Variants in VTI1A observed in about 807,000 individuals in gnomAD.
VTI1A encodes the protein vesicle transport through interaction with t-SNAREs 1A.
VTI1A carries 22 observed loss-of-function variants against 34.9 expected under a neutral mutation model. The observed-to-expected ratio is 0.63, with a 90% CI of 0.45 to 0.90. VTI1A has a LOEUF of 0.90. Among genes scored for constraint, VTI1A ranks in the 40% least tolerant of loss-of-function variants. VTI1A has a pLI of 0.00. For missense variants in VTI1A, 268 were observed against 275.6 expected (o/e 0.97, Z 0.20); for synonymous variants, 87 against 97.3 (o/e 0.89, Z 0.62).
At chr10:112,504,152 T>A (rs1319968060) in intron 3 of VTI1A, among the ~76,000 whole-genome samples, 1 of 152,182 alleles carries the variant, frequency 6.6e-6, no homozygotes, top group East Asian at 1.9e-4. Context: ...ATGCTAGAGG[T>A]GGTTCTGCCA....
At chr10:112,593,897 C>T (rs1227375982) in intron 5 of VTI1A, among the ~76,000 whole-genome samples, 7 of 89,496 alleles carry the variant, frequency 7.8e-5, no homozygotes, top group South Asian at 5.8e-4. Flanking sequence ...CCACCACGCC[C>T]GGCTAATTTT....
At chr10:112,505,730 G>A (rs993468942) in intron 3 of VTI1A, among the ~76,000 whole-genome samples, 1 of 151,386 alleles carries the variant, frequency 6.6e-6, no homozygotes, top group Non-Finnish European at 1.5e-5. Context: ...CTGGAATGCA[G>A]TGGTGTAACC....
intron 3 of VTI1A, among the ~76,000 whole-genome samples, chr10:112,489,294 G>T (rs1434543379): frequency 6.6e-6 from 1 of 152,140 alleles, no homozygotes; most frequent in Non-Finnish European, 1.5e-5. Flanking sequence ...CTTATTGGAA[G>T]ATACAAGGTA....
At chr10:112,563,691 C>G (rs370935763) in intron 5 of VTI1A, among the ~76,000 whole-genome samples, 1 of 152,118 alleles carries the variant, frequency 6.6e-6, no homozygotes, top group South Asian at 2.1e-4. Flanking sequence ...AATTTATTAA[C>G]GTCAAATTAG....
intron 7 of VTI1A, among the ~76,000 whole-genome samples, chr10:112,769,966 T>C (rs1590168905): frequency 1.3e-5 from 2 of 152,320 alleles, no homozygotes; most frequent in Middle Eastern, 6.8e-3. Context: ...TAGGGGCATG[T>C]AGGCCCACTG....
intron 7 of VTI1A, among the ~76,000 whole-genome samples, chr10:112,781,952 AC>A (rs1050183443): frequency 1.3e-5 from 2 of 151,952 alleles, no homozygotes; most frequent in African/African-American, 2.4e-5. Context: ...TACAGGTATT[AC>A]CCCCAGGAAA....
At chr10:112,535,916 C>T (rs183261357) in intron 4 of VTI1A, among the ~76,000 whole-genome samples, 1 of 152,292 alleles carries the variant, frequency 6.6e-6, no homozygotes, top group East Asian at 1.9e-4. Context: ...TGAAATCCTG[C>T]TGTAAAGCTG....
intron 7 of VTI1A, among the ~76,000 whole-genome samples, chr10:112,733,575 A>G (rs1850345690): frequency 1.3e-5 from 2 of 152,072 alleles, no homozygotes; most frequent in African/African-American, 2.4e-5. Flanking sequence ...AAAGTTATTC[A>G]TATGTTCTCT....
chr10:112,692,397 T>C (rs1250999103), intron 7 of VTI1A, among the ~76,000 whole-genome samples: 1 of 152,210 alleles, frequency 6.6e-6, no homozygotes, highest in Non-Finnish European at 1.5e-5. Context: ...GTCTTTCCCC[T>C]CCCTGCACCT....
At chr10:112,451,959 T>C (rs1847257251) in intron 1 of VTI1A, among the ~76,000 whole-genome samples, 2 of 152,178 alleles carry the variant, frequency 1.3e-5, no homozygotes, top group African/African-American at 4.8e-5. Context: ...TTAAAAACAT[T>C]ATTAAAACTA....
intron 5 of VTI1A, among the ~76,000 whole-genome samples, chr10:112,621,069 C>T (rs769960564): frequency 1.1e-4 from 17 of 152,168 alleles, no homozygotes; most frequent in Non-Finnish European, 2.1e-4. Context: ...CTGTTCTTTT[C>T]CATCTTCTTG....
At chr10:112,460,011 C>T (rs759976537) in intron 1 of VTI1A, among the ~76,000 whole-genome samples, 3 of 152,138 alleles carry the variant, frequency 2.0e-5, no homozygotes, top group Admixed American at 6.5e-5. Context: ...GAGATAGTAG[C>T]TTTCGGTTTG....
chr10:112,622,228 G>A (rs112358417), intron 5 of VTI1A, among the ~76,000 whole-genome samples: 18 of 152,212 alleles, frequency 1.2e-4, no homozygotes, highest in African/African-American at 4.3e-4. Flanking sequence ...ACTGCAAACC[G>A]GTCCCTGTGC....
chr10:112,494,696 A>T (rs1401724935), intron 3 of VTI1A, among the ~76,000 whole-genome samples: 1 of 152,052 alleles, frequency 6.6e-6, no homozygotes, highest in African/African-American at 2.4e-5. Context: ...TTTAATAGAG[A>T]CAGTGTTTCA....
At chr10:112,541,828 A>C (rs147652119) in intron 5 of VTI1A, among the ~76,000 whole-genome samples, 1 of 152,308 alleles carries the variant, frequency 6.6e-6, no homozygotes, top group East Asian at 1.9e-4. Flanking sequence ...CACGGAGTTT[A>C]ATACCAGTCA....
At position 112,815,615 on chromosome 10, in the gene VTI1A, A is replaced by G. The variant is rs1853496405; in HGVS notation, c.*232A>G. 2 of 541,924 alleles carry G rather than the reference A, an allele frequency of 3.7e-6. No individual in the cohort carries two copies. The highest frequency in any genetic ancestry group is 6.2e-5 in the East Asian group (2 of 32,406). The allele number at this position is 541,924 out of a possible 1,614,324, so 33.6% of individuals were successfully genotyped here. A position where few individuals can be genotyped will look rare whatever the true frequency, so the allele number is the denominator to read the frequency against. ...CACCCAGATTCGTTTTTTAGAGGGG[A>G]AGGTGAATGTTTATTTACCTTTTTG... On this transcript the variant is annotated 3_prime_UTR_variant, in exon 8 of 8. Transcript: ENST00000393077.
intron 3 of VTI1A, among the ~76,000 whole-genome samples, chr10:112,492,320 A>G (rs1848855011): frequency 6.6e-6 from 1 of 152,196 alleles, no homozygotes; most frequent in Non-Finnish European, 1.5e-5. Flanking sequence ...ACAACAAGAA[A>G]CATCATATAA....
chr10:112,487,941 A>T (rs1183791961), intron 3 of VTI1A, among the ~76,000 whole-genome samples: 1 of 152,212 alleles, frequency 6.6e-6, no homozygotes, highest in Non-Finnish European at 1.5e-5. Context: ...ATTAATAGGT[A>T]CATTTTCTGC....
At chr10:112,818,956 G>T (rs1395286744), downstream of VTI1A, among the ~76,000 whole-genome samples, 5 of 151,996 alleles carry the variant, frequency 3.3e-5, no homozygotes, top group Non-Finnish European at 7.4e-5. Flanking sequence ...ATGAAAACTT[G>T]TCAAAAATAG....
Sources: gnomAD v4.1 joint callset for allele counts (sites outside exome capture counted in the v4.1 genomes callset) on GRCh38, gnomAD v4.1.1 for gene constraint, MANE v1.5 for transcripts, NCBI Gene and HGNC (gene_info 2026-07-23, HGNC 2026-07-21) for gene names.